PKN2: variants seen among roughly 807,000 people sequenced by gnomAD.
PKN2 encodes the protein protein kinase N2.
Under a neutral mutation model 119.1 loss-of-function variants are expected in PKN2, and 38 were observed. The ratio of observed to expected loss-of-function variants is 0.32; its 90% CI spans 0.25 to 0.42. PKN2 has a LOEUF of 0.42. Among genes scored for constraint, PKN2 ranks in the 10% least tolerant of loss-of-function variants. The pLI, the probability that PKN2 is intolerant of heterozygous loss-of-function variation, is 1.00. For synonymous variants in PKN2, 390 were observed against 384.9 expected (o/e 1.01, Z -0.15); for missense variants, 850 against 1,165.1 (o/e 0.73, Z 3.94).
intron 1 of PKN2, among the ~76,000 whole-genome samples, chr1:88,695,663 T>A (rs1666514082): frequency 6.6e-6 from 1 of 152,172 alleles, no homozygotes; most frequent in Non-Finnish European, 1.5e-5. Context: ...ACTTTCAGAT[T>A]TCTTGGAATG....
intron 1 of PKN2, among the ~76,000 whole-genome samples, chr1:88,692,217 T>C (rs1666363721): frequency 6.6e-6 from 1 of 152,198 alleles, no homozygotes; most frequent in Admixed American, 6.5e-5. Context: ...GAGTAAAATA[T>C]TCATTAACTC....
intron 15 of PKN2, among the ~76,000 whole-genome samples, chr1:88,808,045 T>C (rs1187440253): frequency 1.3e-5 from 2 of 152,172 alleles, no homozygotes; most frequent in African/African-American, 4.8e-5. Context: ...TATGGAAATA[T>C]TAAAGTGTTT....
intron 1 of PKN2, among the ~76,000 whole-genome samples, chr1:88,714,909 T>C (rs926248947): frequency 6.6e-6 from 1 of 152,206 alleles, no homozygotes. Context: ...GGCTGTGGGT[T>C]TGTCATAAAT....
In PKN2 at chr1:88,760,119, C is replaced by T. The variant is rs897835329; in HGVS notation, c.350-103C>T. 9 of 634,328 alleles carry T rather than the reference C, an allele frequency of 1.4e-5. No individual in the cohort carries two copies. In the African/African-American group the frequency reaches 1.6e-4, roughly 11 times the overall value. The allele number at this position is 634,328 out of a possible 1,614,324, so 39.3% of individuals were successfully genotyped here. The stretch of plus-strand genomic sequence containing the variant: ...AGTATAAGGAGATTTCATTTAGGCT[C>T]ATCTCAAAGTTTGAAAAATGCTGTT... On this transcript the variant is annotated intron_variant, in intron 2 of 21. Transcript: ENST00000370521.
chr1:88,817,861 A>C (rs1440233638), intron 16 of PKN2, among the ~76,000 whole-genome samples: 1 of 152,214 alleles, frequency 6.6e-6, no homozygotes, highest in East Asian at 1.9e-4. Flanking sequence ...TAGTATTGGA[A>C]GTTCTGGCCA....
rs181032546 is a variant in PKN2 at position 88,765,037 on chromosome 1, C to T, written c.504+4661C>T. ...TCCCAAATTCAAGCGATTCTTCTGC[C>T]TCAGCCTGCCTCCTGTGTAGCTGGA... On this transcript the variant is annotated intron_variant, in intron 3 of 21. Coordinates refer to ENST00000370521, the MANE Select transcript of PKN2 (RefSeq NM_006256.4). Among the ~76,000 whole-genome samples, 48 of 152,248 alleles carry T rather than the reference C, an allele frequency of 3.2e-4. 1 individual carries two copies. In the Middle Eastern group the frequency reaches 0.01, roughly 32 times the overall value.
At chr1:88,775,320 G>A (rs1383558146) in intron 6 of PKN2, among the ~76,000 whole-genome samples, 1 of 152,104 alleles carries the variant, frequency 6.6e-6, no homozygotes, top group Non-Finnish European at 1.5e-5. Flanking sequence ...CCGTAGTTTT[G>A]CCTTTTCCAC....
intron 15 of PKN2, among the ~76,000 whole-genome samples, chr1:88,812,817 T>C (rs1051054352): frequency 4.6e-5 from 7 of 152,354 alleles, no homozygotes; most frequent in Admixed American, 2.6e-4. Context: ...TTTTGTCTTA[T>C]TTCATCTGAT....
At chr1:88,829,209 A>G (rs1353877296) in intron 19 of PKN2, 2 of 733,504 alleles carry the variant, frequency 2.7e-6, no homozygotes, top group East Asian at 5.1e-5. Context: ...AACAGAACGT[A>G]CATTAACATC....
At chr1:88,712,936 C>G (rs1667294250) in intron 1 of PKN2, among the ~76,000 whole-genome samples, 1 of 152,138 alleles carries the variant, frequency 6.6e-6, no homozygotes, top group Non-Finnish European at 1.5e-5. Flanking sequence ...TACCCCCACC[C>G]CACAACAGGC....
At chr1:88,700,674 G>A (rs1317119036) in intron 1 of PKN2, among the ~76,000 whole-genome samples, 3 of 152,126 alleles carry the variant, frequency 2.0e-5, no homozygotes, top group Non-Finnish European at 2.9e-5. Flanking sequence ...AGCTTCCCCT[G>A]TATTTTTGGT....
chr1:88,794,528 G>T (rs1670981609), intron 8 of PKN2, among the ~76,000 whole-genome samples: 1 of 152,144 alleles, frequency 6.6e-6, no homozygotes, highest in Non-Finnish European at 1.5e-5. Flanking sequence ...TTGAGCCCAG[G>T]AGTTGAATAC....
intron 1 of PKN2, among the ~76,000 whole-genome samples, chr1:88,715,349 CTCT>C (rs1667403866): frequency 6.6e-6 from 1 of 152,194 alleles, no homozygotes; most frequent in Non-Finnish European, 1.5e-5. Context: ...ATGGTACCAG[CTCT>C]TCTTTGTACC....
At chr1:88,734,019 A>G (rs1325893703) in intron 1 of PKN2, among the ~76,000 whole-genome samples, 3 of 152,142 alleles carry the variant, frequency 2.0e-5, no homozygotes, top group Non-Finnish European at 4.4e-5. Flanking sequence ...TTAGCTAGGC[A>G]TAGTGGAGCC....
intron 8 of PKN2, among the ~76,000 whole-genome samples, chr1:88,797,480 AAAT>A (rs1348944895): frequency 2.0e-5 from 3 of 151,450 alleles, no homozygotes; most frequent in Non-Finnish European, 4.4e-5. Context: ...TGTCTCTACT[AAAT>A]ATACAAAAAT....
intron 19 of PKN2, among the ~76,000 whole-genome samples, chr1:88,829,913 C>T (rs950157215): frequency 7.9e-5 from 12 of 152,126 alleles, no homozygotes; most frequent in African/African-American, 2.7e-4. Flanking sequence ...GTTTTAGTTT[C>T]GCCGGATGGA....
chr1:88,762,399 C>T (rs987345264), intron 3 of PKN2, among the ~76,000 whole-genome samples: 1 of 152,132 alleles, frequency 6.6e-6, no homozygotes, highest in Non-Finnish European at 1.5e-5. Flanking sequence ...CTGAGATAGG[C>T]CTGCCAGTTA....
intron 8 of PKN2, among the ~76,000 whole-genome samples, chr1:88,803,740 C>CT (rs1365481129): frequency 5.3e-5 from 8 of 152,104 alleles, no homozygotes; most frequent in African/African-American, 1.7e-4. Context: ...TGCTAATTTG[C>CT]TTTTTAAATT....
At chr1:88,776,196 T>TCCCTCCCCCTCCCCCTACC (rs1557603281) in intron 6 of PKN2, among the ~76,000 whole-genome samples, 1 of 118,246 alleles carries the variant, frequency 8.5e-6, no homozygotes, top group East Asian at 2.3e-4. Context: ...TCTCTCTCCC[T>TCCCTCCCCCTCCCCCTACC]CCCTCCCCCT....
Sources: allele counts gnomAD v4.1 joint callset (sites outside exome capture counted in the v4.1 genomes callset), GRCh38; gene constraint gnomAD v4.1.1; transcripts MANE v1.5; gene names NCBI Gene and HGNC (gene_info 2026-07-23, HGNC 2026-07-21).